CLVS1: variants seen among roughly 807,000 people sequenced by gnomAD.
CLVS1 encodes clavesin 1.
CLVS1 carries 10 observed loss-of-function variants against 33.1 expected under a neutral mutation model. That is an observed-to-expected ratio of 0.30 (90% CI 0.19 to 0.51). The LOEUF (loss-of-function observed/expected upper bound fraction) is 0.51, where lower values mean the gene tolerates loss of function less well. Ranked by LOEUF, CLVS1 falls within the 20% of genes least tolerant of loss-of-function variation. The pLI, the probability that CLVS1 is intolerant of heterozygous loss-of-function variation, is 0.97. For missense variants in CLVS1, 343 were observed against 433.4 expected (o/e 0.79, Z 1.85); for synonymous variants, 163 against 166.1 (o/e 0.98, Z 0.14).
At chr8:61,189,781 A>T (rs1807429212) in intron 2 of CLVS1, among the ~76,000 whole-genome samples, 1 of 152,230 alleles carries the variant, frequency 6.6e-6, no homozygotes, top group Non-Finnish European at 1.5e-5. Context: ...AAAGAAGTCC[A>T]TTACATAATG....
intron 2 of CLVS1, among the ~76,000 whole-genome samples, chr8:61,270,844 T>A (rs1445031718): frequency 6.6e-6 from 1 of 152,186 alleles, no homozygotes; most frequent in African/African-American, 2.4e-5. Context: ...TGTATTTCTG[T>A]GGGATCGGTG....
the CLVS1 span, among the ~76,000 whole-genome samples, chr8:61,043,497 C>T: frequency 6.6e-6 from 1 of 152,234 alleles, no homozygotes; most frequent in Non-Finnish European, 1.5e-5. Context: ...GCTCCAATTA[C>T]AGCTGCTTTG....
intron 2 of CLVS1, among the ~76,000 whole-genome samples, chr8:61,150,101 G>GGTGTGT (rs10653874): frequency 0.13 from 19,090 of 146,450 alleles, 1,288 homozygotes; most frequent in Admixed American, 0.22. Context: ...ATTTGAGAAA[G>GGTGTGT]GTGTGTGTGT....
chr8:61,325,639 T>TATCTAGC (rs975242289), intron 2 of CLVS1, among the ~76,000 whole-genome samples: 4 of 152,204 alleles, frequency 2.6e-5, no homozygotes, highest in Admixed American at 1.3e-4. Flanking sequence ...GATGTTCTTT[T>TATCTAGC]ATCTAGCTGA....
intron 2 of CLVS1, among the ~76,000 whole-genome samples, chr8:61,223,001 C>T (rs1344187262): frequency 2.1e-5 from 3 of 143,768 alleles, no homozygotes; most frequent in African/African-American, 5.2e-5. Flanking sequence ...AAAAAAAAGA[C>T]CTGCTTTTTT....
At chr8:61,282,138 A>G (rs148781637) in intron 2 of CLVS1, among the ~76,000 whole-genome samples, 1 of 152,322 alleles carries the variant, frequency 6.6e-6, no homozygotes, top group Non-Finnish European at 1.5e-5. Context: ...TGAGCGGACT[A>G]CTCTTCACCT....
chr8:61,371,009 A>T (rs1448624848), intron 2 of CLVS1, among the ~76,000 whole-genome samples: 9 of 152,178 alleles, frequency 5.9e-5, no homozygotes, highest in African/African-American at 2.2e-4. Context: ...CTCTGAGTAG[A>T]TACTCAGTGG....
chr8:61,377,049 A>T, intron 3 of CLVS1: 1 of 340,996 alleles, frequency 2.9e-6, no homozygotes. Context: ...TGTTCGGCTT[A>T]ATCCATCAGA....
intron 2 of CLVS1, among the ~76,000 whole-genome samples, chr8:61,269,420 C>G (rs1367016533): frequency 6.6e-6 from 1 of 151,904 alleles, no homozygotes; most frequent in South Asian, 2.1e-4. Flanking sequence ...GTTACTGTAG[C>G]CTTGTAGTAT....
chr8:61,122,565 A>G (rs1407201398), intron 1 of CLVS1, among the ~76,000 whole-genome samples: 1 of 104,478 alleles, frequency 9.6e-6, no homozygotes, highest in Admixed American at 1.2e-4. Context: ...GCCTATATTA[A>G]GAAAACACAC....
chr8:61,422,728 T>C (rs1305676624), intron 3 of CLVS1, among the ~76,000 whole-genome samples: 1 of 151,940 alleles, frequency 6.6e-6, no homozygotes, highest in East Asian at 1.9e-4. Context: ...GAAATATGAA[T>C]CACTTTATGA....
At chr8:61,252,615 T>G (rs1376155836) in intron 2 of CLVS1, among the ~76,000 whole-genome samples, 1 of 152,224 alleles carries the variant, frequency 6.6e-6, no homozygotes, top group African/African-American at 2.4e-5. Flanking sequence ...ATTGGGTGCA[T>G]ATATATTTAG....
At chr8:61,122,899 G>A (rs1204670093) in intron 1 of CLVS1, among the ~76,000 whole-genome samples, 1 of 111,564 alleles carries the variant, frequency 9.0e-6, no homozygotes, top group Admixed American at 1.1e-4. Context: ...CTTAATGTTC[G>A]TGGTTTCTTC....
intron 5 of CLVS1, among the ~76,000 whole-genome samples, chr8:61,459,229 T>C (rs755420429): frequency 1.3e-5 from 2 of 151,998 alleles, no homozygotes; most frequent in African/African-American, 2.4e-5. Flanking sequence ...CCAAAAACAG[T>C]TGGATCCAAG....
chr8:61,192,829 C>T (rs914003180), intron 2 of CLVS1, among the ~76,000 whole-genome samples: 1 of 151,844 alleles, frequency 6.6e-6, no homozygotes, highest in South Asian at 2.1e-4. Context: ...GATACCATGT[C>T]ACACCAGTTA....
At chr8:61,480,059 G>A (rs745694607) in intron 5 of CLVS1, among the ~76,000 whole-genome samples, 16 of 152,162 alleles carry the variant, frequency 1.1e-4, no homozygotes, top group East Asian at 5.8e-4. Flanking sequence ...CAGTCTGCCC[G>A]TTCTCAGATC....
In CLVS1 at chr8:61,124,700, T is replaced by C. The variant is rs75540104; in HGVS notation, c.-242-7070T>C. 9.5e-3 allele frequency among the ~76,000 whole-genome samples: 1,453 copies of C among 152,294 alleles called. 19 individuals are homozygous for C. The highest frequency in any genetic ancestry group is 0.033 in the African/African-American group (1,380 of 41,552). ...CATCTGGGAGATGGCAGTGCATCCA[T>C]CCACTCATTCCTTTAAAAATTGTGA... On this transcript the variant is annotated intron_variant, in intron 1 of 2. Coordinates refer to the CLVS1 transcript ENST00000522621.
At chr8:61,089,566 C>T (rs896114469) in intron 1 of CLVS1, among the ~76,000 whole-genome samples, 20 of 152,090 alleles carry the variant, frequency 1.3e-4, no homozygotes, top group East Asian at 1.9e-4. Context: ...TTGCCAGCAA[C>T]GAGAACTCTA....
chr8:61,195,475 G>C (rs1022335743), intron 2 of CLVS1, among the ~76,000 whole-genome samples: 3 of 151,874 alleles, frequency 2.0e-5, no homozygotes, highest in African/African-American at 7.3e-5. Flanking sequence ...AACAGCTGGT[G>C]CTTGCTTAGT....
Sources: allele counts gnomAD v4.1 joint callset (sites outside exome capture counted in the v4.1 genomes callset), GRCh38; gene constraint gnomAD v4.1.1; transcripts MANE v1.5; gene names NCBI Gene and HGNC (gene_info 2026-07-23, HGNC 2026-07-21).